The following MAGI2 variants were observed in gnomAD, a reference collection of about 807,000 sequenced individuals.
The protein encoded by MAGI2 is membrane associated guanylate kinase, WW and PDZ domain containing 2, also known as membrane-associated guanylate kinase, WW and PDZ domain-containing protein 2.
MAGI2 carries 35 observed loss-of-function variants against 133.3 expected under a neutral mutation model. That is an observed-to-expected ratio of 0.26 (90% CI 0.20 to 0.35). MAGI2 has a LOEUF of 0.35. Ranked by LOEUF, MAGI2 falls within the 10% of genes least tolerant of loss-of-function variation. The pLI, the probability that MAGI2 is intolerant of heterozygous loss-of-function variation, is 1.00. For synonymous variants in MAGI2, 729 were observed against 710.6 expected, an observed-to-expected ratio of 1.03 and a Z score of -0.41; for missense variants, 1,636 against 1,863.4, an observed-to-expected ratio of 0.88 and a Z score of 2.25.
chr7:78,611,553 A>G (rs1372914010), intron 3 of MAGI2, among the ~76,000 whole-genome samples: 1 of 152,206 alleles, frequency 6.6e-6, no homozygotes, highest in Non-Finnish European at 1.5e-5. Flanking sequence ...GCATTTTAAT[A>G]CAGCTGTAGA....
At chr7:78,622,152 C>T (rs1416539868) in intron 3 of MAGI2, among the ~76,000 whole-genome samples, 2 of 152,046 alleles carry the variant, frequency 1.3e-5, no homozygotes, top group African/African-American at 2.4e-5. Flanking sequence ...GGGTTTATGG[C>T]TCTACCTCCA....
chr7:78,608,328 G>T (rs943442105), intron 3 of MAGI2, among the ~76,000 whole-genome samples: 3 of 151,796 alleles, frequency 2.0e-5, no homozygotes, highest in Non-Finnish European at 4.4e-5. Flanking sequence ...TCCCCAACTG[G>T]CTTTGAGATC....
chr7:78,577,733 A>T (rs996187808), intron 3 of MAGI2, among the ~76,000 whole-genome samples: 3 of 152,128 alleles, frequency 2.0e-5, no homozygotes, highest in African/African-American at 7.2e-5. Context: ...GAATTTCACA[A>T]GACAATGTCA....
intron 2 of MAGI2, among the ~76,000 whole-genome samples, chr7:78,774,987 G>A (rs1825871911): frequency 6.6e-6 from 1 of 152,042 alleles, no homozygotes. Context: ...TATATATTTG[G>A]TTTTGAACTC....
intron 1 of MAGI2, among the ~76,000 whole-genome samples, chr7:79,055,495 T>G (rs142345170): frequency 7.6e-4 from 116 of 152,248 alleles, no homozygotes; most frequent in Non-Finnish European, 1.4e-3. Context: ...CCTAATGACA[T>G]AGATGTTAAC....
At chr7:79,435,974 T>C (rs1848113896) in intron 1 of MAGI2, among the ~76,000 whole-genome samples, 1 of 152,188 alleles carries the variant, frequency 6.6e-6, no homozygotes, top group Middle Eastern at 3.4e-3. Flanking sequence ...TTCACACCTA[T>C]ACCAACTGAT....
At chr7:78,243,269 ACTCTCTCTCTCT>A (rs60322546) in intron 10 of MAGI2, among the ~76,000 whole-genome samples, 3 of 62,776 alleles carry the variant, frequency 4.8e-5, no homozygotes, top group African/African-American at 1.7e-4. Context: ...ACACACACAC[ACTCTCTCTCTCT>A]CTCTCTTATA....
At chr7:79,322,090 A>T (rs1563113494) in intron 1 of MAGI2, among the ~76,000 whole-genome samples, 1 of 152,164 alleles carries the variant, frequency 6.6e-6, no homozygotes, top group Non-Finnish European at 1.5e-5. Context: ...AATAGAAAAA[A>T]AATTAAAGGC....
At chr7:78,135,434 AG>A in intron 16 of MAGI2, among the ~76,000 whole-genome samples, 1 of 152,322 alleles carries the variant, frequency 6.6e-6, no homozygotes, top group East Asian at 1.9e-4. Context: ...AACACAGACC[AG>A]GGGTTCTCAA....
chr7:78,868,847 G>C (rs573394438), intron 2 of MAGI2, among the ~76,000 whole-genome samples: 11 of 152,008 alleles, frequency 7.2e-5, no homozygotes, highest in Non-Finnish European at 1.6e-4. Context: ...TCCGCCTCCC[G>C]GGTTCACACC....
At chr7:78,334,409 T>A (rs1277509499) in intron 9 of MAGI2, among the ~76,000 whole-genome samples, 1 of 152,182 alleles carries the variant, frequency 6.6e-6, no homozygotes, top group Non-Finnish European at 1.5e-5. Context: ...CCTGAAACAG[T>A]GCTAAAACCC....
intron 1 of MAGI2, among the ~76,000 whole-genome samples, chr7:79,143,254 C>T (rs1447116336): frequency 6.6e-6 from 1 of 152,126 alleles, no homozygotes; most frequent in East Asian, 1.9e-4. Flanking sequence ...TAGATGCAAA[C>T]AGCAGACGGA....
intron 21 of MAGI2, among the ~76,000 whole-genome samples, chr7:78,036,824 G>A (rs1382110263): frequency 1.3e-5 from 2 of 152,108 alleles, no homozygotes; most frequent in Non-Finnish European, 2.9e-5. Flanking sequence ...ATGTTGCCCA[G>A]GCTGGTCTTG....
intron 11 of MAGI2, among the ~76,000 whole-genome samples, chr7:78,198,628 C>T (rs996837140): frequency 5.3e-5 from 8 of 152,230 alleles, no homozygotes; most frequent in South Asian, 2.1e-4. Flanking sequence ...GACAGGATTT[C>T]GCCATGTTGG....
intron 14 of MAGI2, among the ~76,000 whole-genome samples, chr7:78,174,090 A>T (rs1488056726): frequency 6.6e-6 from 1 of 152,190 alleles, no homozygotes; most frequent in East Asian, 1.9e-4. Flanking sequence ...GGCCTCAGAA[A>T]ATATAAACTC....
At chr7:78,142,942 C>A (rs959957275) in intron 16 of MAGI2, among the ~76,000 whole-genome samples, 3 of 152,162 alleles carry the variant, frequency 2.0e-5, no homozygotes, top group Non-Finnish European at 2.9e-5. Flanking sequence ...GCAAGGATAT[C>A]TTTTTTGACC....
intron 2 of MAGI2, among the ~76,000 whole-genome samples, chr7:78,865,238 T>C (rs1222531422): frequency 6.6e-6 from 1 of 152,132 alleles, no homozygotes; most frequent in Non-Finnish European, 1.5e-5. Flanking sequence ...AAAAATTGGT[T>C]CCACAGAGTA....
chr7:79,347,461 ATTT>A (rs11348137), intron 1 of MAGI2, among the ~76,000 whole-genome samples: 1 of 150,066 alleles, frequency 6.7e-6, no homozygotes, highest in Admixed American at 6.7e-5. Context: ...ATCTTAAGCA[ATTT>A]TTTTTTTGTC....
rs1235575507 is a variant in MAGI2, at chr7:78,292,108, C to A, written c.1409-35527G>T. 8.5e-5 allele frequency among the ~76,000 whole-genome samples: 13 copies of A among 152,102 alleles called. No homozygotes were observed. In the East Asian group the frequency reaches 1.4e-3, roughly 16 times the overall value. ...GGCAATCAGGCAGGAGAAAGAAATA[C>A]AGGGTATTCAATTAGGAAAAGAGGA... On this transcript the variant is annotated intron_variant, in intron 9 of 21. Coordinates refer to ENST00000354212, the MANE Select transcript of MAGI2 (RefSeq NM_012301.4).
Sources: allele counts gnomAD v4.1 joint callset (sites outside exome capture counted in the v4.1 genomes callset), GRCh38; gene constraint gnomAD v4.1.1; transcripts MANE v1.5; gene names NCBI Gene and HGNC (gene_info 2026-07-23, HGNC 2026-07-21).